Variants in MDGA2 observed in about 807,000 individuals in gnomAD.
MDGA2 encodes the protein MAM domain containing glycosylphosphatidylinositol anchor 2.
A neutral mutation model predicts 117.8 loss-of-function variants in MDGA2; 40 were observed. The observed-to-expected ratio is 0.34, with a 90% CI of 0.26 to 0.44. MDGA2 has a LOEUF of 0.44. MDGA2 is among the 20% of genes least tolerant of loss of function. The pLI is 1.00. For synonymous variants in MDGA2, 452 were observed against 439.0 expected, an observed-to-expected ratio of 1.03 and a Z score of -0.37; for missense variants, 1,123 against 1,250.6, an observed-to-expected ratio of 0.90 and a Z score of 1.54.
intron 1 of MDGA2, among the ~76,000 whole-genome samples, chr14:47,458,943 G>T (rs1267160563): frequency 2.0e-5 from 3 of 149,922 alleles, no homozygotes; most frequent in Non-Finnish European, 4.4e-5. Context: ...ATCTAGTATG[G>T]TTCTGTGGGA....
At chr14:46,848,385 G>T (rs1246796979) in intron 15 of MDGA2, among the ~76,000 whole-genome samples, 3 of 151,848 alleles carry the variant, frequency 2.0e-5, no homozygotes, top group African/African-American at 7.2e-5. Flanking sequence ...CATATAAAAT[G>T]GTGAGATTTC....
At chr14:46,863,069 G>A (rs1275818960) in intron 14 of MDGA2, among the ~76,000 whole-genome samples, 1 of 151,742 alleles carries the variant, frequency 6.6e-6, no homozygotes, top group Non-Finnish European at 1.5e-5. Context: ...TCCCTCTTTA[G>A]TTCTATCACT....
intron 1 of MDGA2, among the ~76,000 whole-genome samples, chr14:47,500,203 G>A (rs575193206): frequency 2.0e-5 from 3 of 152,048 alleles, no homozygotes; most frequent in Non-Finnish European, 2.9e-5. Context: ...TGAACTCCTT[G>A]GATATTTTAA....
chr14:47,433,524 T>G (rs1012157299), intron 1 of MDGA2, among the ~76,000 whole-genome samples: 1 of 152,164 alleles, frequency 6.6e-6, no homozygotes, highest in Non-Finnish European at 1.5e-5. Context: ...AGCAAGTAGC[T>G]TGATATCTTA....
chr14:47,667,258 T>C (rs998073387), intron 1 of MDGA2, among the ~76,000 whole-genome samples: 2 of 152,184 alleles, frequency 1.3e-5, no homozygotes, highest in Non-Finnish European at 2.9e-5. Context: ...CACATCTTCC[T>C]CCAGTATTTT....
chr14:46,848,883 G>A (rs866680698), intron 15 of MDGA2, among the ~76,000 whole-genome samples: 4 of 152,018 alleles, frequency 2.6e-5, no homozygotes, highest in Middle Eastern at 3.4e-3. Context: ...TGTCCAGAGG[G>A]CTTCCTATAC....
chr14:47,481,881 C>T (rs762060398), intron 1 of MDGA2, among the ~76,000 whole-genome samples: 1 of 151,960 alleles, frequency 6.6e-6, no homozygotes, highest in Non-Finnish European at 1.5e-5. Flanking sequence ...TCCCAACTAT[C>T]CAAAGTGTCC....
At chr14:47,465,224 A>C (rs944621002) in intron 1 of MDGA2, among the ~76,000 whole-genome samples, 1 of 152,202 alleles carries the variant, frequency 6.6e-6, no homozygotes, top group Non-Finnish European at 1.5e-5. Flanking sequence ...AAACTCACAA[A>C]AACCCTGGCA....
chr14:46,856,886 A>G (rs1337791880), intron 14 of MDGA2, among the ~76,000 whole-genome samples: 2 of 152,096 alleles, frequency 1.3e-5, no homozygotes, highest in South Asian at 2.1e-4. Context: ...TAGAGTTAAG[A>G]TATAACTTCT....
intron 3 of MDGA2, among the ~76,000 whole-genome samples, chr14:47,173,669 C>T (rs1307935521): frequency 1.3e-5 from 2 of 152,128 alleles, no homozygotes; most frequent in African/African-American, 2.4e-5. Flanking sequence ...TGGAAAGGCA[C>T]AACCGGTACC....
intron 1 of MDGA2, among the ~76,000 whole-genome samples, chr14:47,499,537 A>G (rs1345214662): frequency 2.6e-5 from 4 of 152,176 alleles, no homozygotes; most frequent in Admixed American, 2.0e-4. Flanking sequence ...AATTGTAAAT[A>G]GGCAATTAAT....
intron 1 of MDGA2, among the ~76,000 whole-genome samples, chr14:47,318,621 A>C (rs1169890263): frequency 6.6e-6 from 1 of 152,174 alleles, no homozygotes; most frequent in African/African-American, 2.4e-5. Context: ...TACAAGCAAG[A>C]ACGGCACCTG....
chr14:47,132,632 C>T (rs1882260398), intron 4 of MDGA2, among the ~76,000 whole-genome samples: 1 of 151,886 alleles, frequency 6.6e-6, no homozygotes, highest in African/African-American at 2.4e-5. Flanking sequence ...AAAACGTAGT[C>T]TCCTGCCCAA....
intron 2 of MDGA2, among the ~76,000 whole-genome samples, chr14:47,260,988 C>T (rs1887778021): frequency 6.6e-6 from 1 of 151,948 alleles, no homozygotes; most frequent in African/African-American, 2.4e-5. Flanking sequence ...AGCATTCTAG[C>T]CCACTGAGTT....
At chr14:47,192,224 C>A (rs181267836) in intron 3 of MDGA2, among the ~76,000 whole-genome samples, 1 of 152,050 alleles carries the variant, frequency 6.6e-6, no homozygotes, top group East Asian at 1.9e-4. Flanking sequence ...TGGGACCGAA[C>A]GAGGTGGCTC....
intron 1 of MDGA2, among the ~76,000 whole-genome samples, chr14:47,581,525 T>C (rs766781876): frequency 6.6e-6 from 1 of 152,010 alleles, no homozygotes; most frequent in Non-Finnish European, 1.5e-5. Context: ...TTCTACCGTA[T>C]GAAATACGTA....
In MDGA2 at chr14:47,274,960, A is replaced by G. The variant is rs535596943; in HGVS notation, c.420+26451T>C. Among the ~76,000 whole-genome samples the G allele has an allele frequency of 2.0e-5, 3 of 152,252 alleles. No individual in the cohort carries two copies. In the South Asian group the frequency reaches 6.2e-4, roughly 32 times the overall value. On this transcript the variant is annotated intron_variant, in intron 2 of 16. Transcript: ENST00000399232. ...AGAGTTCTTTATAAACTCTCTATAC[A>G]AGTTCCTGATCAGATATATGATTTA...
intron 1 of MDGA2, among the ~76,000 whole-genome samples, chr14:47,366,433 C>T (rs1487252246): frequency 6.6e-6 from 1 of 151,782 alleles, no homozygotes; most frequent in African/African-American, 2.4e-5. Flanking sequence ...CTAGTCCTTT[C>T]GGGATGAGCC....
At chr14:47,026,494 G>C (rs765560818) in intron 8 of MDGA2, among the ~76,000 whole-genome samples, 1 of 151,808 alleles carries the variant, frequency 6.6e-6, no homozygotes, top group African/African-American at 2.4e-5. Context: ...ATTTCCCTTA[G>C]CACTAAGCAT....
Sources: gnomAD v4.1 joint callset for allele counts (sites outside exome capture counted in the v4.1 genomes callset) on GRCh38, gnomAD v4.1.1 for gene constraint, MANE v1.5 for transcripts, NCBI Gene and HGNC (gene_info 2026-07-23, HGNC 2026-07-21) for gene names.